Variants in DLC1 observed in about 807,000 individuals in gnomAD.
The protein encoded by DLC1 is DLC1 Rho GTPase activating protein, also known as rho GTPase-activating protein 7.
DLC1 carries 54 observed loss-of-function variants against 140.3 expected under a neutral mutation model. That is an observed-to-expected ratio of 0.38 (90% confidence interval 0.31 to 0.48). The LOEUF (loss-of-function observed/expected upper bound fraction) is 0.48. Among genes scored for constraint, DLC1 ranks in the 20% least tolerant of loss-of-function variants. DLC1 has a pLI of 0.96. For synonymous variants in DLC1, 986 were observed against 728.1 expected (o/e 1.35, Z -5.70); for missense variants, 2,536 against 1,907.0 (o/e 1.33, Z -6.14).
chr8:13,114,339 G>A lies in DLC1; in HGVS notation c.1420+1247C>T, dbSNP rs141783061. Among the ~76,000 whole-genome samples, 1,088 of 152,282 alleles carry A rather than the reference G, an allele frequency of 7.1e-3. 17 individuals carry two copies. Among genetic ancestry groups the A allele is most frequent in the African/African-American group, 0.025 (1,022 of 41,550 alleles). ...ATCACACCACTGAACTCCAGCCAGG[G>A]CGACAGAGCGAGACTCCGTCTCAAA... On this transcript the variant is annotated intron_variant, in intron 6 of 17. Transcript: ENST00000276297.
intron 2 of DLC1, among the ~76,000 whole-genome samples, chr8:13,416,540 G>C (rs1019625133): frequency 5.3e-5 from 8 of 152,176 alleles, no homozygotes; most frequent in Non-Finnish European, 1.2e-4. Context: ...AGTGGAAGCA[G>C]AGAGATTCCC....
intron 1 of DLC1, among the ~76,000 whole-genome samples, chr8:13,595,704 A>G (rs532720550): frequency 6.6e-6 from 1 of 152,060 alleles, no homozygotes; most frequent in Non-Finnish European, 1.5e-5. Flanking sequence ...ATAGACAAAG[A>G]TTACTAATTG....
intron 2 of DLC1, among the ~76,000 whole-genome samples, chr8:13,418,700 C>G (rs1420608217): frequency 6.6e-6 from 1 of 152,042 alleles, no homozygotes; most frequent in Non-Finnish European, 1.5e-5. Flanking sequence ...GATGCGGGCT[C>G]TTTTTTGGTT....
chr8:13,478,972 T>C (rs1467812729), intron 2 of DLC1, among the ~76,000 whole-genome samples: 1 of 152,226 alleles, frequency 6.6e-6, no homozygotes, highest in East Asian at 1.9e-4. Context: ...GGTCTATGCA[T>C]AGCATTTGAG....
rs142569051 is a variant in DLC1, at chr8:13,199,007, G to A, written c.1349-83350C>T. Reference sequence around the variant, plus strand: ...GCTGGGATTACAGGTGTGAGCCACCGTGTCCGGCCTAGCATGACATTTTGA... The same window carrying A: ...GCTGGGATTACAGGTGTGAGCCACCATGTCCGGCCTAGCATGACATTTTGA... On this transcript the variant is annotated intron_variant, in intron 5 of 17. Coordinates refer to ENST00000276297, the MANE Select transcript of DLC1 (RefSeq NM_182643.3). Among the ~76,000 whole-genome samples the A allele has an allele frequency of 3.3e-5, 5 of 152,096 alleles. No individual in the cohort carries two copies. In the East Asian group the frequency reaches 5.8e-4, roughly 18 times the overall value.
chr8:13,378,303 T>A (rs891299610), intron 4 of DLC1, among the ~76,000 whole-genome samples: 1 of 151,404 alleles, frequency 6.6e-6, no homozygotes, highest in African/African-American at 2.4e-5. Flanking sequence ...GAGAAGAAAG[T>A]CCTTTGAAAG....
intron 2 of DLC1, among the ~76,000 whole-genome samples, chr8:13,442,178 C>A (rs1297597924): frequency 2.0e-5 from 3 of 152,332 alleles, no homozygotes; most frequent in African/African-American, 7.2e-5. Flanking sequence ...TAGATCCTTT[C>A]CTTACACCTT....
intron 14 of DLC1, among the ~76,000 whole-genome samples, chr8:13,090,737 A>G (rs916513592): frequency 1.3e-5 from 2 of 152,036 alleles, no homozygotes; most frequent in Non-Finnish European, 2.9e-5. Context: ...TGGTCAAAGC[A>G]GGTTTCTCAG....
intron 5 of DLC1, among the ~76,000 whole-genome samples, chr8:13,156,573 A>T (rs1424903781): frequency 6.6e-6 from 1 of 152,168 alleles, no homozygotes; most frequent in Non-Finnish European, 1.5e-5. Context: ...CTGCGCATGC[A>T]CACACTTCCC....
upstream of DLC1, among the ~76,000 whole-genome samples, chr8:13,517,653 T>A (rs1802633754): frequency 6.6e-6 from 1 of 152,174 alleles, no homozygotes; most frequent in Admixed American, 6.5e-5. Flanking sequence ...TTCTTTCTAC[T>A]TGCAAATCTA....
chr8:13,347,764 T>C (rs1441142798), intron 4 of DLC1, among the ~76,000 whole-genome samples: 1 of 152,068 alleles, frequency 6.6e-6, no homozygotes, highest in Non-Finnish European at 1.5e-5. Context: ...GAAGTAAGTA[T>C]AGGTAAGGTG....
chr8:13,528,115 A>T (rs1267511931), intron 1 of DLC1, among the ~76,000 whole-genome samples: 2 of 152,128 alleles, frequency 1.3e-5, no homozygotes, highest in Admixed American at 1.3e-4. Flanking sequence ...CATCTTAACC[A>T]TAAGAATCAA....
At chr8:13,187,305 G>T (rs1459929109) in intron 5 of DLC1, among the ~76,000 whole-genome samples, 1 of 152,156 alleles carries the variant, frequency 6.6e-6, no homozygotes, top group Non-Finnish European at 1.5e-5. Context: ...TGTCCCTGGA[G>T]CATAAGAAAA....
chr8:13,343,353 G>T (rs1563268042), intron 4 of DLC1, among the ~76,000 whole-genome samples: 1 of 152,128 alleles, frequency 6.6e-6, no homozygotes, highest in Non-Finnish European at 1.5e-5. Context: ...CTGTCATTCT[G>T]CATAACTCCT....
Position 13,090,314 on chromosome 8 carries a change from C to G in DLC1, c.4012G>C (p.Glu1338Gln). 1 of 1,614,190 alleles carries G rather than the reference C, an allele frequency of 6.2e-7. No individual in the cohort carries two copies. Among genetic ancestry groups the G allele is most frequent in the East Asian group, 2.2e-5 (1 of 44,880 alleles). The change falls in exon 15 of 18, where the codon GAG becomes CAG. Residue 1338 changes from glutamate to glutamine, a missense_variant. Physicochemically the swap from Glu to Gln is conservative, Grantham distance 29 (BLOSUM62 2). Coordinates refer to ENST00000276297, the MANE Select transcript of DLC1 (RefSeq NM_182643.3). The part of the protein sequence containing the change: ...CVDGLFKEVK[E>Q]KFKGWVSYST... ...TAGCTGACCCAGCCTTTAAACTTCTCTTTGACTTCTTTAAACAGGCCATCC... is the reference window on the plus strand; with the variant it reads ...TAGCTGACCCAGCCTTTAAACTTCTGTTTGACTTCTTTAAACAGGCCATCC...
intron 4 of DLC1, among the ~76,000 whole-genome samples, chr8:13,366,778 A>C (rs1285988076): frequency 2.0e-5 from 3 of 152,086 alleles, no homozygotes; most frequent in African/African-American, 7.2e-5. Context: ...TTCCAGACCA[A>C]GGTCTCCCTT....
intron 5 of DLC1, among the ~76,000 whole-genome samples, chr8:13,118,781 T>C (rs1820789903): frequency 6.6e-6 from 1 of 152,154 alleles, no homozygotes; most frequent in Non-Finnish European, 1.5e-5. Flanking sequence ...ACACCATTAC[T>C]TTCTCTCTAA....
chr8:13,496,375 G>C (rs1444684811), intron 2 of DLC1, among the ~76,000 whole-genome samples: 1 of 152,064 alleles, frequency 6.6e-6, no homozygotes, highest in Non-Finnish European at 1.5e-5. Flanking sequence ...TTGTGTTTCT[G>C]TTCAGTGTAT....
intron 1 of DLC1, among the ~76,000 whole-genome samples, chr8:13,526,920 A>AT (rs1802936656): frequency 6.6e-6 from 1 of 152,218 alleles, no homozygotes; most frequent in Non-Finnish European, 1.5e-5. Context: ...TTAAAGTAAA[A>AT]TTTAAAAAAA....
Sources: allele counts gnomAD v4.1 joint callset (sites outside exome capture counted in the v4.1 genomes callset), GRCh38; gene constraint gnomAD v4.1.1; transcripts MANE v1.5; gene names NCBI Gene and HGNC (gene_info 2026-07-23, HGNC 2026-07-21).